KIF1A: variants seen among roughly 807,000 people sequenced by gnomAD.
KIF1A encodes the protein kinesin-like protein KIF1A.
Under a neutral mutation model 227.3 loss-of-function variants are expected in KIF1A, and 46 were observed. The ratio of observed to expected loss-of-function variants is 0.20; its 90% CI spans 0.16 to 0.26. KIF1A has a LOEUF of 0.26. Among genes scored for constraint, KIF1A ranks in the 10% least tolerant of loss-of-function variants. The pLI, the probability that KIF1A is intolerant of heterozygous loss-of-function variation, is 1.00. For synonymous variants in KIF1A, 1,022 were observed against 1,012.8 expected, an observed-to-expected ratio of 1.01 and a Z score of -0.17; for missense variants, 1,683 against 2,485.9, an observed-to-expected ratio of 0.68 and a Z score of 6.87.
At position 240,763,003 on chromosome 2, in the gene KIF1A, G is replaced by A; in HGVS notation, c.2022+16C>T. The A allele has an allele frequency of 6.8e-7, 1 of 1,477,480 alleles. No homozygotes were observed. The highest frequency in any genetic ancestry group is 1.4e-5 in the South Asian group (1 of 72,996). 91.5% of individuals were successfully genotyped at this position (1,477,480 alleles called of 1,614,324 possible). On this transcript the variant is annotated intron_variant, in intron 22 of 48. Coordinates refer to ENST00000498729, the MANE Select transcript of KIF1A (RefSeq NM_001244008.2). ...GGGTGGGGGCTGGGCAGGGAGGGCG[G>A]GGCCACGTCACTCACCAGCCGCTGC...
In KIF1A at chr2:240,740,227, C is replaced by T. The variant is rs963788061; in HGVS notation, c.3816+71G>A. ...GAGGGGGACACAGGCAGGGTAGGGG[C>T]AGGGAGAGGCTCACACCTGGTGGGG... is the stretch of plus-strand genomic sequence containing the variant. On this transcript the variant is annotated intron_variant, in intron 36 of 48. Transcript: ENST00000498729. The surrounding 1 kb of genome is among the most constrained non-coding windows in gnomAD (Gnocchi z 6.1). 1.9e-6 allele frequency: 3 copies of T among 1,552,802 alleles called. No individual in the cohort carries two copies. Among genetic ancestry groups the T allele is most frequent in the Non-Finnish European group, 1.8e-6 (2 of 1,131,694 alleles).
chr2:240,745,441 A>G lies in KIF1A; in HGVS notation c.3451T>C (p.Tyr1151His). The change falls in exon 32 of 49, where the codon TAC becomes CAC. Residue 1151 changes from tyrosine to histidine, a missense_variant. Around this residue, in one of 12 missense-constraint regions of KIF1A, gnomAD observed 759 missense variants for 1,020.2 expected, o/e 0.74. Transcript: ENST00000498729. ...CAGGAACGTACGTTCTGGACGTGGTAGAAGCCAAGTGGGGGGCCTCTGCCT... is the reference window on the plus strand; with the variant it reads ...CAGGAACGTACGTTCTGGACGTGGTGGAAGCCAAGTGGGGGGCCTCTGCCT... Reference protein sequence around the residue: ...NTGRGPPLGFYHVQNIAVEVT... With the variant: ...NTGRGPPLGFHHVQNIAVEVT... The G allele has an allele frequency of 6.2e-7, 1 of 1,613,492 alleles. No homozygotes were observed. Among genetic ancestry groups the G allele is most frequent in the Non-Finnish European group, 8.5e-7 (1 of 1,179,540 alleles).
At chr2:240,750,889 C>T (rs1304751669) in intron 27 of KIF1A, among the ~76,000 whole-genome samples, 3 of 152,152 alleles carry the variant, frequency 2.0e-5, no homozygotes, top group Non-Finnish European at 4.4e-5. Flanking sequence ...AGACCAGGAC[C>T]CAGACCACAC....
chr2:240,765,572 C>T (rs1207609884), intron 20 of KIF1A, 138 bp downstream of exon 20: 2 of 686,060 alleles, frequency 2.9e-6, no homozygotes, highest in Admixed American at 2.7e-5. Flanking sequence ...ACCCGCAGCC[C>T]CCTCCCCTAC....
chr2:240,747,640 C>T (rs993051474), intron 28 of KIF1A, among the ~76,000 whole-genome samples: 2 of 152,222 alleles, frequency 1.3e-5, no homozygotes, highest in African/African-American at 2.4e-5. Context: ...CAGGTAGCCC[C>T]TCCCCATCCC....
chr2:240,803,829 C>T (rs2057175060), intron 1 of KIF1A, among the ~76,000 whole-genome samples: 1 of 152,212 alleles, frequency 6.6e-6, no homozygotes, highest in Non-Finnish European at 1.5e-5. Flanking sequence ...GATTGTTCTA[C>T]ACTGTGCTCA....
rs1003383780 is a variant in KIF1A, at chr2:240,792,665, C to A, written c.107-3353G>T. On this transcript the variant is annotated intron_variant, in intron 2 of 48. Coordinates refer to ENST00000498729, the MANE Select transcript of KIF1A (RefSeq NM_001244008.2). The surrounding 1 kb of genome is among the most constrained non-coding windows in gnomAD (Gnocchi z 4.5). The stretch of plus-strand genomic sequence containing the variant: ...GCCGAGCTGAGCTGGCTCTTCCCAA[C>A]GGAGCCTGCTGTGGGCCGAGCGTGT... 6.6e-6 allele frequency among the ~76,000 whole-genome samples: 1 copy of A among 152,180 alleles called. No individual in the cohort carries two copies. Among genetic ancestry groups the A allele is most frequent in the African/African-American group, 2.4e-5 (1 of 41,436 alleles).
At chr2:240,781,681 C>T in intron 10 of KIF1A, 1 of 851,764 alleles carries the variant, frequency 1.2e-6, no homozygotes, top group Non-Finnish European at 1.4e-6. Context: ...GGTCCTCCGT[C>T]TCCCGCAGTC....
chr2:240,772,498 A>G, intron 14 of KIF1A, 72 bp downstream of exon 14: 1 of 1,364,852 alleles, frequency 7.3e-7, no homozygotes, highest in Non-Finnish European at 1.0e-6. Context: ...CTCCCTGACC[A>G]TGCCACCCTA....
chr2:240,726,762 A>G lies in KIF1A; in HGVS notation c.4122+64T>C, dbSNP rs966724413. The G allele has an allele frequency of 4.1e-6, 4 of 977,860 alleles. No homozygotes were observed. Among genetic ancestry groups the G allele is most frequent in the African/African-American group, 3.2e-5 (2 of 62,444 alleles). The allele number at this position is 977,860 out of a possible 1,614,324, so 60.6% of individuals were successfully genotyped here. A position where few individuals can be genotyped will look rare whatever the true frequency, so the allele number is the denominator to read the frequency against. Reference sequence around the variant, plus strand: ...GGTCATATGGGGTTGTCCAGAGCTTACAAGAACCTCAAGCTTCAGGGGCTG... The same window carrying G: ...GGTCATATGGGGTTGTCCAGAGCTTGCAAGAACCTCAAGCTTCAGGGGCTG... On this transcript the variant is annotated intron_variant, in intron 39 of 48. Coordinates refer to ENST00000498729, the MANE Select transcript of KIF1A (RefSeq NM_001244008.2). This position sits in a 1 kb window ranked among gnomAD's most constrained non-coding sequence, Gnocchi z 5.2.
At position 240,740,249 on chromosome 2, in the gene KIF1A, G is replaced by C. The variant is rs2047801165; in HGVS notation, c.3816+49C>G. 6.3e-7 allele frequency: 1 copy of C among 1,577,478 alleles called. No homozygotes were observed. Among genetic ancestry groups the C allele is most frequent in the Non-Finnish European group, 8.7e-7 (1 of 1,149,836 alleles). On this transcript the variant is annotated intron_variant, in intron 36 of 48. Transcript: ENST00000498729. This position sits in a 1 kb window ranked among gnomAD's most constrained non-coding sequence, Gnocchi z 6.1. ...GGGCAGGGAGAGGCTCACACCTGGT[G>C]GGGTGGGGGAGGGGACACAGGCAGG... is the stretch of plus-strand genomic sequence containing the variant.
chr2:240,801,920 A>T (rs2057006698), intron 1 of KIF1A, among the ~76,000 whole-genome samples: 1 of 152,188 alleles, frequency 6.6e-6, no homozygotes, highest in Admixed American at 6.5e-5. Context: ...AACAGGGGAG[A>T]AGCAGTATTT....
At chr2:240,741,410 G>A in intron 34 of KIF1A, 33 bp from the exon 35 acceptor site, 4 of 1,468,492 alleles carry the variant, frequency 2.7e-6, no homozygotes, top group Non-Finnish European at 3.6e-6. Flanking sequence ...TGCATGGATG[G>A]GAGACCTGAC....
chr2:240,768,681 C>T (rs1042955289), intron 17 of KIF1A, among the ~76,000 whole-genome samples: 13 of 152,176 alleles, frequency 8.5e-5, no homozygotes, highest in African/African-American at 3.1e-4. Flanking sequence ...GCTGAAAGAC[C>T]CCTTAGGCCT....
At chr2:240,749,035 A>G (rs1390683434) in intron 28 of KIF1A, among the ~76,000 whole-genome samples, 1 of 152,122 alleles carries the variant, frequency 6.6e-6, no homozygotes. Flanking sequence ...CTGAGGCAGG[A>G]GAATCGCTTG....
At chr2:240,721,785 G>A in intron 44 of KIF1A, 22 bp downstream of exon 44, 1 of 1,585,938 alleles carries the variant, frequency 6.3e-7, no homozygotes, top group Non-Finnish European at 8.6e-7. Flanking sequence ...GGGGCAGCCT[G>A]GTGCAGCCCC....
At chr2:240,780,557 CAT>C (rs2053524875) in intron 10 of KIF1A, among the ~76,000 whole-genome samples, 2 of 152,056 alleles carry the variant, frequency 1.3e-5, no homozygotes, top group Admixed American at 1.3e-4. Flanking sequence ...GGTTCCCTCA[CAT>C]GATTCCACGT....
intron 2 of KIF1A, 87 bp downstream of exon 2, chr2:240,797,560 T>A (rs1575654234): frequency 2.2e-6 from 2 of 923,536 alleles, no homozygotes; most frequent in Non-Finnish European, 3.4e-6. Context: ...CAGGGCCAGG[T>A]TGACTGCTGA....
At chr2:240,777,894 G>A (rs937769744) in intron 10 of KIF1A, among the ~76,000 whole-genome samples, 8 of 152,110 alleles carry the variant, frequency 5.3e-5, no homozygotes, top group African/African-American at 7.2e-5. Flanking sequence ...AGGGTCCCTC[G>A]CACTTTCCCT....
Sources: gnomAD v4.1 joint callset for allele counts (sites outside exome capture counted in the v4.1 genomes callset) on GRCh38, gnomAD v4.1.1 for gene constraint, gnomAD v4.1.1 regional missense constraint, Gnocchi (gnomAD v3.1) non-coding constraint, MANE v1.5 for transcripts, NCBI Gene and HGNC (gene_info 2026-07-23, HGNC 2026-07-21) for gene names.